LAMC1: variants seen among roughly 807,000 people sequenced by gnomAD.
LAMC1 encodes laminin subunit gamma 1.
A neutral mutation model predicts 173.6 loss-of-function variants in LAMC1; 38 were observed. That is an observed-to-expected ratio of 0.22 (90% CI 0.17 to 0.29). LAMC1 has a LOEUF of 0.29. Among genes scored for constraint, LAMC1 ranks in the 10% least tolerant of loss-of-function variants. The pLI, the probability that LAMC1 is intolerant of heterozygous loss-of-function variation, is 1.00. For missense variants in LAMC1, 1,824 were observed against 2,051.8 expected (o/e 0.89, Z 2.14); for synonymous variants, 746 against 749.1 (o/e 1.00, Z 0.07).
chr1:183,123,343 T>C (rs1166296617), intron 13 of LAMC1, among the ~76,000 whole-genome samples: 1 of 152,138 alleles, frequency 6.6e-6, no homozygotes. Context: ...CCTCACCTGC[T>C]CCCCTACAAT....
At position 183,124,938 on chromosome 1, in the gene LAMC1, T is replaced by G. The variant is rs1225358167; in HGVS notation, c.2647+62T>G. 1.9e-6 allele frequency: 3 copies of G among 1,574,614 alleles called. No individual in the cohort carries two copies. The African/African-American group carries it at 4.1e-5, about 21-fold the overall frequency. ...TGCCCCTTTATTGTGAGAATTCTTG[T>G]GTGTCTCTTAAAATATGTATAGTTG... On this transcript the variant is annotated intron_variant, in intron 14 of 27. Coordinates refer to ENST00000258341, the MANE Select transcript of LAMC1 (RefSeq NM_002293.4).
At chr1:183,081,905 C>T (rs1048852033) in intron 1 of LAMC1, among the ~76,000 whole-genome samples, 34 of 152,276 alleles carry the variant, frequency 2.2e-4, no homozygotes, top group South Asian at 8.3e-4. Flanking sequence ...TGTCTTTCAT[C>T]CTTCTCTCCT....
intron 1 of LAMC1, among the ~76,000 whole-genome samples, chr1:183,034,630 T>C (rs929828029): frequency 1.6e-4 from 24 of 152,172 alleles, no homozygotes; most frequent in Non-Finnish European, 4.4e-5. Flanking sequence ...AGAGTAGGGA[T>C]TGAAGTCAGC....
At chr1:183,120,618 A>T (rs1378291578) in intron 11 of LAMC1, among the ~76,000 whole-genome samples, 3 of 152,210 alleles carry the variant, frequency 2.0e-5, no homozygotes, top group African/African-American at 4.8e-5. Context: ...AAATATGATG[A>T]TGTTACTGAG....
At chr1:183,028,225 C>A (rs772805577) in intron 1 of LAMC1, among the ~76,000 whole-genome samples, 1 of 148,932 alleles carries the variant, frequency 6.7e-6, no homozygotes, top group Non-Finnish European at 1.5e-5. Context: ...TATTTCAGTT[C>A]TAAATAATTT....
intron 27 of LAMC1, chr1:183,140,730 T>C: frequency 3.3e-6 from 1 of 306,288 alleles, no homozygotes; most frequent in East Asian, 6.6e-5. Flanking sequence ...AACTTGCTTC[T>C]TTACCATACT....
Position 183,069,868 on chromosome 1 carries a change from G to A in LAMC1, c.419-33460G>A, listed in dbSNP as rs138912326. Among the ~76,000 whole-genome samples, 409 of 152,312 alleles carry A rather than the reference G, an allele frequency of 2.7e-3. 6 individuals are homozygous for A. Among genetic ancestry groups the A allele is most frequent in the African/African-American group, 9.5e-3 (393 of 41,562 alleles). On this transcript the variant is annotated intron_variant, in intron 1 of 27. Transcript: ENST00000258341. ...CTTCTCCAGGTAGCCAGCACCAGTG[G>A]ACCATCATTGAAGTAGGAGTGGGTG... is the stretch of plus-strand genomic sequence containing the variant.
chr1:183,133,659 G>T, intron 22 of LAMC1, 109 bp downstream of exon 22: 1 of 1,128,262 alleles, frequency 8.9e-7, no homozygotes, highest in Non-Finnish European at 1.2e-6. Context: ...CGCTGGTAAA[G>T]TTGAGTCTTA....
At chr1:183,041,063 A>G (rs1341248918) in intron 1 of LAMC1, among the ~76,000 whole-genome samples, 1 of 152,228 alleles carries the variant, frequency 6.6e-6, no homozygotes, top group Non-Finnish European at 1.5e-5. Flanking sequence ...AAATAGTCAA[A>G]TAAATCCTGA....
At chr1:183,049,866 A>G (rs189120493) in intron 1 of LAMC1, among the ~76,000 whole-genome samples, 2 of 152,248 alleles carry the variant, frequency 1.3e-5, no homozygotes, top group Admixed American at 1.3e-4. Flanking sequence ...CTTTGTGTCA[A>G]TTGTGTTCTT....
At chr1:183,088,205 A>G (rs756909189) in intron 1 of LAMC1, among the ~76,000 whole-genome samples, 5 of 152,252 alleles carry the variant, frequency 3.3e-5, no homozygotes, top group Non-Finnish European at 5.9e-5. Flanking sequence ...CTTGAAAGGC[A>G]TCATCATAAG....
intron 1 of LAMC1, among the ~76,000 whole-genome samples, chr1:183,071,184 G>A (rs1384695257): frequency 6.6e-6 from 1 of 150,558 alleles, no homozygotes; most frequent in African/African-American, 2.5e-5. Flanking sequence ...TGTGTGTGTT[G>A]ACAACTTAGG....
chr1:183,036,932 C>T (rs536094984), intron 1 of LAMC1, among the ~76,000 whole-genome samples: 79 of 152,230 alleles, frequency 5.2e-4, no homozygotes, highest in African/African-American at 1.7e-3. Flanking sequence ...CCCACCACCA[C>T]GCCCGGCTAA....
intron 1 of LAMC1, among the ~76,000 whole-genome samples, chr1:183,057,180 A>G (rs1036920703): frequency 2.6e-5 from 4 of 152,244 alleles, no homozygotes; most frequent in African/African-American, 4.8e-5. Flanking sequence ...AGAGAAACAC[A>G]GATTGGTGTT....
intron 1 of LAMC1, among the ~76,000 whole-genome samples, chr1:183,027,294 TAAG>T (rs538549796): frequency 4.1e-4 from 62 of 152,312 alleles, no homozygotes; most frequent in Middle Eastern, 3.4e-3. Flanking sequence ...GCCACTTTTC[TAAG>T]AAGAAGTCTT....
At chr1:183,102,001 A>G (rs1197562226) in intron 1 of LAMC1, among the ~76,000 whole-genome samples, 4 of 151,886 alleles carry the variant, frequency 2.6e-5, no homozygotes, top group Non-Finnish European at 5.9e-5. Flanking sequence ...AATTGACCTC[A>G]CCCACTTACT....
chr1:183,035,941 G>A (rs931534830), intron 1 of LAMC1, among the ~76,000 whole-genome samples: 5 of 152,038 alleles, frequency 3.3e-5, no homozygotes, highest in Non-Finnish European at 7.4e-5. Context: ...CTCTATGTTA[G>A]CCTTATGCAG....
At chr1:183,116,244 C>T (rs773458418) in intron 6 of LAMC1, among the ~76,000 whole-genome samples, 7 of 152,046 alleles carry the variant, frequency 4.6e-5, no homozygotes, top group African/African-American at 1.2e-4. Flanking sequence ...TTTGGGAAGC[C>T]GAGGCAGGCG....
chr1:183,124,168 A>T (rs1656555954), intron 13 of LAMC1, among the ~76,000 whole-genome samples: 1 of 152,222 alleles, frequency 6.6e-6, no homozygotes, highest in African/African-American at 2.4e-5. Context: ...ATACTGATTA[A>T]CAAGGATTAG....
Sources: gnomAD v4.1 joint callset for allele counts (sites outside exome capture counted in the v4.1 genomes callset) on GRCh38, gnomAD v4.1.1 for gene constraint, MANE v1.5 for transcripts, NCBI Gene and HGNC (gene_info 2026-07-23, HGNC 2026-07-21) for gene names.